SOS1: variants seen among roughly 807,000 people sequenced by gnomAD.
SOS1 encodes the protein SOS Ras/Rac guanine nucleotide exchange factor 1, also known as son of sevenless homolog 1.
A neutral mutation model predicts 157.6 loss-of-function variants in SOS1; 25 were observed. The observed-to-expected ratio is 0.16, with a 90% CI of 0.12 to 0.22. The LOEUF (loss-of-function observed/expected upper bound fraction) is 0.22, where lower values mean the gene tolerates loss of function less well. SOS1 is among the 10% of genes least tolerant of loss of function. The pLI, the probability that SOS1 is intolerant of heterozygous loss-of-function variation, is 1.00. For synonymous variants in SOS1, 528 were observed against 534.0 expected (o/e 0.99, Z 0.16); for missense variants, 1,237 against 1,599.1 (o/e 0.77, Z 3.86).
At chr2:39,085,493 G>A (rs1376550921) in intron 1 of SOS1, among the ~76,000 whole-genome samples, 2 of 152,200 alleles carry the variant, frequency 1.3e-5, no homozygotes, top group Admixed American at 6.5e-5. Context: ...TGATCCAAGT[G>A]TCTTTCTACT....
intron 1 of SOS1, among the ~76,000 whole-genome samples, chr2:39,088,602 C>T (rs1039557667): frequency 6.6e-5 from 10 of 152,124 alleles, no homozygotes; most frequent in African/African-American, 2.4e-4. Flanking sequence ...TTTTTGGCTT[C>T]TTTCACTTAG....
At chr2:39,090,536 A>G (rs186047815) in intron 1 of SOS1, among the ~76,000 whole-genome samples, 159 of 152,076 alleles carry the variant, frequency 1.0e-3, no homozygotes, top group Non-Finnish European at 8.4e-4. Context: ...TCTCTATTAA[A>G]AATACAAAAA....
upstream of SOS1, among the ~76,000 whole-genome samples, chr2:39,123,204 T>C (rs1673955470): frequency 6.6e-6 from 1 of 152,172 alleles, no homozygotes; most frequent in Non-Finnish European, 1.5e-5. Context: ...CCTTCTCCGA[T>C]CACTCCAAGT....
chr2:38,997,171 TC>T, intron 18 of SOS1, 81 bp downstream of exon 18: 1 of 1,189,640 alleles, frequency 8.4e-7, no homozygotes, highest in Non-Finnish European at 1.2e-6. Flanking sequence ...TTACTTTTTC[TC>T]CCCTATAAAA....
rs139890694 is a variant in SOS1, at chr2:38,991,637, C to T, written c.3347-2323G>A. ...AATGTATGTGTGGCAGCACTAAGTA[C>T]GTGGCCACTTCTCTGCCCTGTCTTT... is the stretch of plus-strand genomic sequence containing the variant. On this transcript the variant is annotated intron_variant, in intron 20 of 22. Transcript: ENST00000402219. Among the ~76,000 whole-genome samples, 37 of 152,314 alleles carry T rather than the reference C, an allele frequency of 2.4e-4. 1 individual carries two copies. Among genetic ancestry groups the T allele is most frequent in the African/African-American group, 6.5e-4 (27 of 41,570 alleles).
intron 2 of SOS1, among the ~76,000 whole-genome samples, chr2:39,060,029 G>A (rs1228761716): frequency 1.3e-5 from 2 of 152,078 alleles, no homozygotes; most frequent in African/African-American, 4.8e-5. Flanking sequence ...AGGAGGCATC[G>A]CAGGTGAAAA....
intron 17 of SOS1, among the ~76,000 whole-genome samples, chr2:38,997,764 G>A (rs141897873): frequency 5.3e-5 from 8 of 152,028 alleles, no homozygotes; most frequent in African/African-American, 1.9e-4. Context: ...GATTTGTTAG[G>A]AAGAATAATC....
At chr2:39,004,936 T>C (rs951054013) in intron 17 of SOS1, among the ~76,000 whole-genome samples, 1 of 152,118 alleles carries the variant, frequency 6.6e-6, no homozygotes. Context: ...GGCAGCATAA[T>C]TGTCATACAC....
rs190793768 is a variant in SOS1, at chr2:39,033,378, A to G, written c.1074+1834T>C. Among the ~76,000 whole-genome samples the G allele has an allele frequency of 1.7e-3, 257 of 152,312 alleles. 2 individuals carry two copies. The highest frequency in any genetic ancestry group is 5.6e-3 in the African/African-American group (232 of 41,570). Reference sequence around the variant, plus strand: ...GAAATCTTAAATTGCTAAATGATGCACTTATTAAAATTCTATTAATGTAAG... The same window carrying G: ...GAAATCTTAAATTGCTAAATGATGCGCTTATTAAAATTCTATTAATGTAAG... On this transcript the variant is annotated intron_variant, in intron 8 of 22. Coordinates refer to ENST00000402219, the MANE Select transcript of SOS1 (RefSeq NM_005633.4).
At chr2:39,013,686 AC>A in intron 12 of SOS1, 123 bp from the exon 13 acceptor site, 1 of 907,326 alleles carries the variant, frequency 1.1e-6, no homozygotes, top group Non-Finnish European at 1.8e-6. Context: ...AGTGTGCTTA[AC>A]ACTTCCAAAA....
intron 6 of SOS1, among the ~76,000 whole-genome samples, chr2:39,044,186 G>A (rs914543950): frequency 2.6e-5 from 4 of 152,120 alleles, no homozygotes; most frequent in African/African-American, 4.8e-5. Flanking sequence ...GCAAAACCCT[G>A]TCTCTACTAA....
rs1341637427 is a variant in SOS1 at position 39,023,330 on chromosome 2, A to ACAAT, written c.1203-106_1203-105insATTG. 7.5e-6 allele frequency: 6 copies of ACAAT among 795,466 alleles called. 1 individual carries two copies. In the South Asian group the frequency reaches 1.0e-4, roughly 13 times the overall value. 49.3% of individuals were successfully genotyped at this position (795,466 alleles called of 1,614,324 possible). A position where few individuals can be genotyped will look rare whatever the true frequency, so the allele number is the denominator to read the frequency against. ...GTAGATTTTTACAAGTCTCACTGAG[A>ACAAT]AGGTATTCACTAATTCCCCAAATAG... On this transcript the variant is annotated intron_variant, in intron 9 of 22. Coordinates refer to ENST00000402219, the MANE Select transcript of SOS1 (RefSeq NM_005633.4).
chr2:39,043,932 AAT>A (rs2124580933), intron 6 of SOS1, among the ~76,000 whole-genome samples: 1 of 152,358 alleles, frequency 6.6e-6, no homozygotes, highest in South Asian at 2.1e-4. Flanking sequence ...CATTTGTTGA[AAT>A]ACACTTTTGA....
At chr2:39,067,917 G>C (rs529891545) in intron 1 of SOS1, among the ~76,000 whole-genome samples, 164 bp from the exon 2 acceptor site, 1 of 152,300 alleles carries the variant, frequency 6.6e-6, no homozygotes, top group South Asian at 2.1e-4. Context: ...TCAGGAGTTT[G>C]AGACCACCCT....
chr2:39,070,061 T>C (rs1671745083), intron 1 of SOS1, among the ~76,000 whole-genome samples: 1 of 152,120 alleles, frequency 6.6e-6, no homozygotes, highest in Admixed American at 6.6e-5. Flanking sequence ...TAATTCTGAG[T>C]TCTGTGCTCT....
At position 39,038,649 on chromosome 2, in the gene SOS1, G is replaced by A. The variant is rs765333411; in HGVS notation, c.865-3149C>T. On this transcript the variant is annotated intron_variant, in intron 6 of 22. Coordinates refer to ENST00000402219, the MANE Select transcript of SOS1 (RefSeq NM_005633.4). ...CTCGGGAGGCTGAGGCAGGAGAATC[G>A]CTAGAACCTGGGAGGCAGAGGTTGC... Among the ~76,000 whole-genome samples, 36 of 146,428 alleles carry A rather than the reference G, an allele frequency of 2.5e-4. 1 individual carries two copies. Among genetic ancestry groups the A allele is most frequent in the Non-Finnish European group, 5.2e-4 (35 of 66,996 alleles).
chr2:39,089,852 C>T (rs1281279302), intron 1 of SOS1, among the ~76,000 whole-genome samples: 1 of 151,622 alleles, frequency 6.6e-6, no homozygotes, highest in Non-Finnish European at 1.5e-5. Context: ...CTGGGCCAGG[C>T]ACAGCGGCTC....
At chr2:39,121,196 AG>A (rs1314500411), upstream of SOS1, 1 of 152,432 alleles carries the variant, frequency 6.6e-6, no homozygotes, top group Non-Finnish European at 1.5e-5. Context: ...GCTGCAGGGG[AG>A]GGGCGAAGGG....
chr2:39,103,018 A>G (rs766386781), intron 1 of SOS1, among the ~76,000 whole-genome samples: 1 of 152,204 alleles, frequency 6.6e-6, no homozygotes, highest in Non-Finnish European at 1.5e-5. Flanking sequence ...TGCAATGAAT[A>G]ATCTGAAAAA....
Sources: gnomAD v4.1 joint callset for allele counts (sites outside exome capture counted in the v4.1 genomes callset) on GRCh38, gnomAD v4.1.1 for gene constraint, MANE v1.5 for transcripts, NCBI Gene and HGNC (gene_info 2026-07-23, HGNC 2026-07-21) for gene names.